Variants in P2RY6 observed in about 807,000 individuals in gnomAD.
P2RY6 encodes P2Y purinoceptor 6.
Under a neutral mutation model 16.3 loss-of-function variants are expected in P2RY6, and 19 were observed. The ratio of observed to expected loss-of-function variants is 1.16; its 90% CI spans 0.81 to 1.71. P2RY6 has a LOEUF of 1.71. Among genes scored for constraint, P2RY6 ranks in the 40% most tolerant of loss-of-function variants. The probability of loss-of-function intolerance (pLI) is 0.00; values close to 1 mark genes in which losing one functional copy is unlikely to be tolerated. For synonymous variants in P2RY6, 184 were observed against 201.5 expected, an observed-to-expected ratio of 0.91 and a Z score of 0.74; for missense variants, 389 against 455.5, an observed-to-expected ratio of 0.85 and a Z score of 1.33.
At chr11:73,295,387 G>A (rs1864430106) in intron 1 of P2RY6, among the ~76,000 whole-genome samples, 1 of 152,180 alleles carries the variant, frequency 6.6e-6, no homozygotes, top group Admixed American at 6.5e-5. Flanking sequence ...TTTAAACCCA[G>A]GCCTGCCTAG....
chr11:73,294,545 G>T (rs1231505652), intron 1 of P2RY6, among the ~76,000 whole-genome samples: 1 of 152,158 alleles, frequency 6.6e-6, no homozygotes. Context: ...TGCCTACCTT[G>T]TCCTAGCTGG....
At chr11:73,296,392 T>C in intron 2 of P2RY6, 93 bp from the exon 3 acceptor site, 1 of 1,145,810 alleles carries the variant, frequency 8.7e-7, no homozygotes, top group Non-Finnish European at 1.3e-6. Flanking sequence ...GTGCCCTCAC[T>C]GTTCAGACAG....
chr11:73,297,103 TCTCA>T lies in P2RY6; in HGVS notation c.588_591del (p.Thr197SerfsTer161). On this transcript the variant is annotated frameshift_variant, in exon 3 of 3. Transcript: ENST00000540124. LOFTEE classifies it high-confidence loss of function. Reference sequence around the variant, plus strand: ...CCCACTATATGCCCTATGGCATGGCTCTCACTGTCATCGGCTTCCTGCTGCCCTT... The same window carrying T: ...CCCACTATATGCCCTATGGCATGGCTCTGTCATCGGCTTCCTGCTGCCCTT... 2 of 1,603,856 alleles carry T rather than the reference TCTCA, an allele frequency of 1.2e-6. No individual in the cohort carries two copies. The highest frequency in any genetic ancestry group is 1.7e-6 in the Non-Finnish European group (2 of 1,179,944).
intron 1 of P2RY6, among the ~76,000 whole-genome samples, chr11:73,292,301 G>A (rs1296377246): frequency 6.6e-6 from 1 of 152,250 alleles, no homozygotes; most frequent in Non-Finnish European, 1.5e-5. Flanking sequence ...GGAAGCGGGG[G>A]GAGAAGGCGG....
intron 1 of P2RY6, among the ~76,000 whole-genome samples, chr11:73,282,222 C>T (rs1285812374): frequency 6.6e-6 from 1 of 152,214 alleles, no homozygotes; most frequent in Admixed American, 6.5e-5. Flanking sequence ...GGCCACAACC[C>T]CATTTGAGGC....
upstream of P2RY6, among the ~76,000 whole-genome samples, chr11:73,267,800 T>A (rs983519536): frequency 3.9e-5 from 6 of 152,228 alleles, no homozygotes; most frequent in African/African-American, 7.2e-5. Flanking sequence ...GTGAGTATTC[T>A]GACCAGGACT....
chr11:73,295,356 C>T (rs1864428626), intron 1 of P2RY6, among the ~76,000 whole-genome samples: 1 of 152,206 alleles, frequency 6.6e-6, no homozygotes, highest in African/African-American at 2.4e-5. Context: ...CTTCACACAG[C>T]ATGGAAGTGG....
chr11:73,284,309 T>C (rs1462172740), intron 1 of P2RY6, among the ~76,000 whole-genome samples: 1 of 152,050 alleles, frequency 6.6e-6, no homozygotes, highest in Non-Finnish European at 1.5e-5. Flanking sequence ...AATTGACTTG[T>C]TGTGTTCATG....
chr11:73,273,080 G>A (rs1863383714), intron 1 of P2RY6, among the ~76,000 whole-genome samples: 1 of 148,608 alleles, frequency 6.7e-6, no homozygotes, highest in Non-Finnish European at 1.5e-5. Flanking sequence ...CTGGCCCCGT[G>A]AGAGTGGTTT....
At chr11:73,287,642 G>A (rs10898915) in intron 1 of P2RY6, among the ~76,000 whole-genome samples, 24,413 of 152,250 alleles carry the variant, frequency 0.16, 2,065 homozygotes, top group African/African-American at 0.22. Context: ...GATCCTGAAG[G>A]CACTAACTGT....
At chr11:73,290,759 C>A (rs1302377068) in intron 1 of P2RY6, among the ~76,000 whole-genome samples, 1 of 152,222 alleles carries the variant, frequency 6.6e-6, no homozygotes, top group African/African-American at 2.4e-5. Context: ...CCAGGTGCAC[C>A]CATGACCCCT....
intron 1 of P2RY6, among the ~76,000 whole-genome samples, chr11:73,294,459 C>T (rs966780908): frequency 9.2e-5 from 14 of 152,228 alleles, no homozygotes; most frequent in African/African-American, 3.4e-4. Context: ...AGTGGACATT[C>T]TCTGCCTGTG....
intron 1 of P2RY6, among the ~76,000 whole-genome samples, chr11:73,293,976 G>C (rs1449455392): frequency 1.3e-5 from 2 of 152,166 alleles, no homozygotes; most frequent in Non-Finnish European, 2.9e-5. Context: ...TGTGTGAGGA[G>C]AGGGGTCAGG....
Position 73,296,737 on chromosome 11 carries a change from G to A in P2RY6, c.219G>A (p.Leu73=). The A allele has an allele frequency of 6.2e-7, 1 of 1,613,670 alleles. No individual in the cohort carries two copies. ...CCCTAAACCTTGCTCTGGCTGACCTGCTATATGCCTGCTCCCTGCCCCTGC... is the reference window on the plus strand; with the variant it reads ...CCCTAAACCTTGCTCTGGCTGACCTACTATATGCCTGCTCCCTGCCCCTGC... The part of the protein sequence containing the change: ...VYTLNLALAD[L]LYACSLPLLI... The change falls in exon 3 of 3, where the codon CTG becomes CTA. Residue 73 remains leucine, a synonymous_variant. Transcript: ENST00000540124.
chr11:73,276,255 A>T (rs112108854), intron 1 of P2RY6, among the ~76,000 whole-genome samples: 11 of 152,368 alleles, frequency 7.2e-5, no homozygotes, highest in African/African-American at 2.2e-4. Context: ...GAAATTGGAA[A>T]TCTCATACAC....
chr11:73,298,039 G>T lies in P2RY6; in HGVS notation c.*534G>T. The T allele has an allele frequency of 1.2e-5, 2 of 171,380 alleles. No individual in the cohort carries two copies. 10.6% of individuals were successfully genotyped at this position (171,380 alleles called of 1,614,324 possible). ...AACCAGTCCTAGCCCTGGTCCATACGGGCTCCCAACTGCTGGAAGTACAGA... is the reference window on the plus strand; with the variant it reads ...AACCAGTCCTAGCCCTGGTCCATACTGGCTCCCAACTGCTGGAAGTACAGA... On this transcript the variant is annotated 3_prime_UTR_variant, in exon 3 of 3. Coordinates refer to ENST00000540124, the MANE Select transcript of P2RY6 (RefSeq NM_001277204.2).
chr11:73,297,614 G>A lies in P2RY6; in HGVS notation c.*109G>A. The stretch of plus-strand genomic sequence containing the variant: ...ATTAGAGTTCAGCTCAGCTGGGCAT[G>A]GAGTTAAGATCCCTCACAGGACCCA... On this transcript the variant is annotated 3_prime_UTR_variant, in exon 3 of 3. Transcript: ENST00000540124. 2 of 869,972 alleles carry A rather than the reference G, an allele frequency of 2.3e-6. No individual in the cohort carries two copies. Among genetic ancestry groups the A allele is most frequent in the South Asian group, 1.7e-5 (1 of 58,414 alleles). 53.9% of individuals were successfully genotyped at this position (869,972 alleles called of 1,614,324 possible). A position where few individuals can be genotyped will look rare whatever the true frequency, so the allele number is the denominator to read the frequency against.
chr11:73,267,702 C>A (rs1023219276), upstream of P2RY6, among the ~76,000 whole-genome samples: 1 of 152,184 alleles, frequency 6.6e-6, no homozygotes, highest in African/African-American at 2.4e-5. Flanking sequence ...TAGCTTAAAA[C>A]CTTGCCTTGA....
At chr11:73,284,695 C>T (rs758566719) in intron 1 of P2RY6, among the ~76,000 whole-genome samples, 1 of 152,130 alleles carries the variant, frequency 6.6e-6, no homozygotes, top group East Asian at 1.9e-4. Flanking sequence ...CCAAGACCCC[C>T]GTGCACCCAG....
Sources: gnomAD v4.1 joint callset for allele counts (sites outside exome capture counted in the v4.1 genomes callset) on GRCh38, gnomAD v4.1.1 for gene constraint, MANE v1.5 for transcripts, NCBI Gene and HGNC (gene_info 2026-07-23, HGNC 2026-07-21) for gene names.